The following APOL6 variants were observed in gnomAD, a reference collection of about 807,000 sequenced individuals.
APOL6 encodes the protein apolipoprotein L6.
A neutral mutation model predicts 2.4 loss-of-function variants in APOL6; 1 was observed. The observed-to-expected ratio is 0.41, with a 90% CI of 0.15 to 1.94. The LOEUF (loss-of-function observed/expected upper bound fraction) is 1.94. Ranked by LOEUF, APOL6 falls within the 30% of genes most tolerant of loss-of-function variation. The pLI, the probability that APOL6 is intolerant of heterozygous loss-of-function variation, is 0.30. For missense variants in APOL6, 438 were observed against 429.2 expected (o/e 1.02, Z -0.18); for synonymous variants, 189 against 169.3 (o/e 1.12, Z -0.90).
intron 1 of APOL6, among the ~76,000 whole-genome samples, chr22:35,653,379 T>G (rs1362884022): frequency 6.6e-6 from 1 of 152,248 alleles, no homozygotes; most frequent in Non-Finnish European, 1.5e-5. Context: ...CCTAATTGAA[T>G]GCCCTTTATT....
Position 35,667,873 on chromosome 22 carries a change from C to A in APOL6, c.*8277C>A, listed in dbSNP as rs1244475755. ...GGAGCCATGGGGACTAAACAAAATT[C>A]TGAGGCCCCCTCAACCATCTAAATG... On this transcript the variant is annotated 3_prime_UTR_variant, in exon 3 of 3. Coordinates refer to ENST00000409652, the MANE Select transcript of APOL6 (RefSeq NM_030641.4). The A allele has an allele frequency of 6.6e-6, 1 of 152,188 alleles. No homozygotes were observed. Among genetic ancestry groups the A allele is most frequent in the Non-Finnish European group, 1.5e-5 (1 of 68,036 alleles). The allele number at this position is 152,188 out of a possible 1,614,324, so 9.4% of individuals were successfully genotyped here. A position where few individuals can be genotyped will look rare whatever the true frequency, so the allele number is the denominator to read the frequency against.
chr22:35,665,395 A>G lies in APOL6; in HGVS notation c.*5799A>G, dbSNP rs1334934480. ...CTGCATTCCTGAGGCACTAGGCAAG[A>G]AATTAAAGCTATTCAACTCCTCAAG... is the stretch of plus-strand genomic sequence containing the variant. On this transcript the variant is annotated 3_prime_UTR_variant, in exon 3 of 3. Coordinates refer to ENST00000409652, the MANE Select transcript of APOL6 (RefSeq NM_030641.4). The G allele has an allele frequency of 1.3e-5, 2 of 152,176 alleles. No homozygotes were observed. Among genetic ancestry groups the G allele is most frequent in the Non-Finnish European group, 2.9e-5 (2 of 68,034 alleles). 9.4% of individuals were successfully genotyped at this position (152,176 alleles called of 1,614,324 possible).
Position 35,665,929 on chromosome 22 carries a change from C to A in APOL6, c.*6333C>A, listed in dbSNP as rs551066093. On this transcript the variant is annotated 3_prime_UTR_variant, in exon 3 of 3. Coordinates refer to ENST00000409652, the MANE Select transcript of APOL6 (RefSeq NM_030641.4). ...ATGTATTTTTCTAACCTAATTAATC[C>A]TTTAAGATCTTAGTTTCCCTAAAGT... The A allele has an allele frequency of 2.0e-5, 3 of 152,214 alleles. No homozygotes were observed. The highest frequency in any genetic ancestry group is 2.9e-5 in the Non-Finnish European group (2 of 68,016). The allele number at this position is 152,214 out of a possible 1,614,324, so 9.4% of individuals were successfully genotyped here.
At chr22:35,654,860 T>C (rs1250419813) in intron 1 of APOL6, among the ~76,000 whole-genome samples, 2 of 152,152 alleles carry the variant, frequency 1.3e-5, no homozygotes, top group Admixed American at 1.3e-4. Context: ...CTCTGTCCTC[T>C]CTCTATTTGC....
rs951019364 is a variant in APOL6 at position 35,663,373 on chromosome 22, C to T, written c.*3777C>T. The T allele has an allele frequency of 6.6e-6, 1 of 151,986 alleles. No homozygotes were observed. The highest frequency in any genetic ancestry group is 1.5e-5 in the Non-Finnish European group (1 of 67,996). 9.4% of individuals were successfully genotyped at this position (151,986 alleles called of 1,614,324 possible). ...TTTTTTTTTTAAGTTTTTAAAGAAG[C>T]TCAGTGGTTGAAAGTCTGCTTAACT... On this transcript the variant is annotated 3_prime_UTR_variant, in exon 3 of 3. Transcript: ENST00000409652.
intron 1 of APOL6, among the ~76,000 whole-genome samples, chr22:35,653,615 C>A (rs190307385): frequency 6.0e-4 from 92 of 152,254 alleles, no homozygotes; most frequent in African/African-American, 2.1e-3. Flanking sequence ...AGGCAGAAGG[C>A]AGAAGGGCAA....
At position 35,660,469 on chromosome 22, in the gene APOL6, A is replaced by G. The variant is rs997798268; in HGVS notation, c.*873A>G. 1.7e-4 allele frequency: 26 copies of G among 152,370 alleles called. No individual in the cohort carries two copies. The highest frequency in any genetic ancestry group is 6.3e-4 in the African/African-American group (26 of 41,588). The allele number at this position is 152,370 out of a possible 1,614,324, so 9.4% of individuals were successfully genotyped here. On this transcript the variant is annotated 3_prime_UTR_variant, in exon 3 of 3. Coordinates refer to ENST00000409652, the MANE Select transcript of APOL6 (RefSeq NM_030641.4). ...AAATTTCTGTGGTGTAAGCAACTCA[A>G]TCTATAGTAGTTTGTTACTATTTTG...
rs1009192249 is a variant in APOL6, at chr22:35,661,487, A to G, written c.*1891A>G. ...TGATTATCACAGATTGTACTTATACAAAACTTAGATGGCATAGCCTACTGC... is the reference window on the plus strand; with the variant it reads ...TGATTATCACAGATTGTACTTATACGAAACTTAGATGGCATAGCCTACTGC... On this transcript the variant is annotated 3_prime_UTR_variant, in exon 3 of 3. Coordinates refer to ENST00000409652, the MANE Select transcript of APOL6 (RefSeq NM_030641.4). 3 of 152,218 alleles carry G rather than the reference A, an allele frequency of 2.0e-5. No homozygotes were observed. Among genetic ancestry groups the G allele is most frequent in the Non-Finnish European group, 4.4e-5 (3 of 68,056 alleles). 9.4% of individuals were successfully genotyped at this position (152,218 alleles called of 1,614,324 possible).
chr22:35,657,325 G>A (rs1924872623), intron 2 of APOL6, among the ~76,000 whole-genome samples: 1 of 152,106 alleles, frequency 6.6e-6, no homozygotes, highest in Non-Finnish European at 1.5e-5. Flanking sequence ...GTGACCTTCT[G>A]CTCTGTTAAC....
Position 35,659,874 on chromosome 22 carries a change from T to A in APOL6, c.*278T>A, listed in dbSNP as rs1924974123. The A allele has an allele frequency of 2.6e-6, 1 of 383,470 alleles. No homozygotes were observed. Among genetic ancestry groups the A allele is most frequent in the East Asian group, 4.5e-5 (1 of 22,002 alleles). The allele number at this position is 383,470 out of a possible 1,614,324, so 23.8% of individuals were successfully genotyped here. Reference sequence around the variant, plus strand: ...TCTGCCTCCTGAGTGCAAGCAAGTCTCCTGCCTCAGCCTCCCAAGTAGCTG... The same window carrying A: ...TCTGCCTCCTGAGTGCAAGCAAGTCACCTGCCTCAGCCTCCCAAGTAGCTG... On this transcript the variant is annotated 3_prime_UTR_variant, in exon 3 of 3. Coordinates refer to ENST00000409652, the MANE Select transcript of APOL6 (RefSeq NM_030641.4).
intron 1 of APOL6, among the ~76,000 whole-genome samples, chr22:35,655,838 T>A (rs922394674): frequency 1.3e-5 from 2 of 152,122 alleles, no homozygotes; most frequent in Non-Finnish European, 2.9e-5. Flanking sequence ...AGCTTTGAAT[T>A]CCAGCTTCAA....
At chr22:35,652,740 T>G (rs1293588435) in intron 1 of APOL6, among the ~76,000 whole-genome samples, 1 of 152,070 alleles carries the variant, frequency 6.6e-6, no homozygotes, top group Non-Finnish European at 1.5e-5. Context: ...GGCTCTGTTC[T>G]GTTCCATTGG....
In APOL6 at chr22:35,665,929, C is replaced by CT. The variant is rs1197518218; in HGVS notation, c.*6336dup. On this transcript the variant is annotated 3_prime_UTR_variant, in exon 3 of 3. Transcript: ENST00000409652. ...ATGTATTTTTCTAACCTAATTAATCCTTTAAGATCTTAGTTTCCCTAAAGT... is the reference window on the plus strand; with the variant it reads ...ATGTATTTTTCTAACCTAATTAATCCTTTTAAGATCTTAGTTTCCCTAAAGT... 1.3e-5 allele frequency: 2 copies of CT among 152,096 alleles called. No individual in the cohort carries two copies. Among genetic ancestry groups the CT allele is most frequent in the African/African-American group, 4.8e-5 (2 of 41,422 alleles). 9.4% of individuals were successfully genotyped at this position (152,096 alleles called of 1,614,324 possible). A position where few individuals can be genotyped will look rare whatever the true frequency, so the allele number is the denominator to read the frequency against.
chr22:35,658,571 C>A lies in APOL6; in HGVS notation c.51-44C>A, dbSNP rs748160523. 4 of 1,523,014 alleles carry A rather than the reference C, an allele frequency of 2.6e-6. No individual in the cohort carries two copies. In the African/African-American group the frequency reaches 5.5e-5, roughly 21 times the overall value. 94.3% of individuals were successfully genotyped at this position (1,523,014 alleles called of 1,614,324 possible). On this transcript the variant is annotated intron_variant, in intron 2 of 2. Coordinates refer to ENST00000409652, the MANE Select transcript of APOL6 (RefSeq NM_030641.4). ...TATCCAAGAGCCACATGGGTTTTCC[C>A]ATCTGGGAAGCTGAAGCAAAATCTT...
At position 35,666,031 on chromosome 22, in the gene APOL6, T is replaced by C. The variant is rs1049510844; in HGVS notation, c.*6435T>C. ...TTGTCAAATGTGAAATGGTGTTTGG[T>C]TTTCTTTGGGCTGTATTTGTATAAA... On this transcript the variant is annotated 3_prime_UTR_variant, in exon 3 of 3. Coordinates refer to ENST00000409652, the MANE Select transcript of APOL6 (RefSeq NM_030641.4). 1 of 152,174 alleles carries C rather than the reference T, an allele frequency of 6.6e-6. No homozygotes were observed. The highest frequency in any genetic ancestry group is 2.4e-5 in the African/African-American group (1 of 41,444). The allele number at this position is 152,174 out of a possible 1,614,324, so 9.4% of individuals were successfully genotyped here.
In APOL6 at chr22:35,661,013, G is replaced by A. The variant is rs548090078; in HGVS notation, c.*1417G>A. The A allele has an allele frequency of 9.2e-5, 14 of 152,346 alleles. No individual in the cohort carries two copies. Among genetic ancestry groups the A allele is most frequent in the African/African-American group, 2.9e-4 (12 of 41,564 alleles). The allele number at this position is 152,346 out of a possible 1,614,324, so 9.4% of individuals were successfully genotyped here. On this transcript the variant is annotated 3_prime_UTR_variant, in exon 3 of 3. Coordinates refer to ENST00000409652, the MANE Select transcript of APOL6 (RefSeq NM_030641.4). ...TAAATAACACCCCAAGCTACAGGAA[G>A]TGAGGCCTCTGATGGGGAGGTAGTG... is the stretch of plus-strand genomic sequence containing the variant.
At chr22:35,656,618 T>C (rs1924852503) in intron 2 of APOL6, 143 bp downstream of exon 2, 1 of 926,992 alleles carries the variant, frequency 1.1e-6, no homozygotes, top group Non-Finnish European at 1.7e-6. Context: ...ATTATGCATA[T>C]GAAAATCTGT....
chr22:35,651,994 G>A (rs1258300193), intron 1 of APOL6, among the ~76,000 whole-genome samples: 7 of 152,340 alleles, frequency 4.6e-5, no homozygotes, highest in Non-Finnish European at 1.0e-4. Context: ...CAATGGTTGA[G>A]CTAGTTTACA....
At position 35,659,755 on chromosome 22, in the gene APOL6, G is replaced by T; in HGVS notation, c.*159G>T. ...ATGTGCTGGGAAAAGGGTCTTCCCTGTTTGTTTGTTTGTTTGTTTGTTTGT... is the reference window on the plus strand; with the variant it reads ...ATGTGCTGGGAAAAGGGTCTTCCCTTTTTGTTTGTTTGTTTGTTTGTTTGT... On this transcript the variant is annotated 3_prime_UTR_variant, in exon 3 of 3. Coordinates refer to ENST00000409652, the MANE Select transcript of APOL6 (RefSeq NM_030641.4). The T allele has an allele frequency of 1.1e-6, 1 of 873,070 alleles. No individual in the cohort carries two copies. The highest frequency in any genetic ancestry group is 1.6e-6 in the Non-Finnish European group (1 of 611,746). The allele number at this position is 873,070 out of a possible 1,614,324, so 54.1% of individuals were successfully genotyped here.
Sources: gnomAD v4.1 joint callset for allele counts (sites outside exome capture counted in the v4.1 genomes callset) on GRCh38, gnomAD v4.1.1 for gene constraint, MANE v1.5 for transcripts, NCBI Gene and HGNC (gene_info 2026-07-23, HGNC 2026-07-21) for gene names.